AP3S1: variants seen among roughly 807,000 people sequenced by gnomAD.
The protein encoded by AP3S1 is adaptor related protein complex 3 subunit sigma 1, also known as AP-3 complex subunit sigma-1.
A neutral mutation model predicts 21.3 loss-of-function variants in AP3S1; 12 were observed. That is an observed-to-expected ratio of 0.56 (90% CI 0.36 to 0.91). The LOEUF (loss-of-function observed/expected upper bound fraction) is 0.91. Among genes scored for constraint, AP3S1 ranks in the 40% least tolerant of loss-of-function variants. AP3S1 has a pLI of 0.01. For missense variants in AP3S1, 116 were observed against 225.0 expected (o/e 0.52, Z 3.10); for synonymous variants, 48 against 78.4 (o/e 0.61, Z 2.05).
intron 3 of AP3S1, among the ~76,000 whole-genome samples, chr5:115,883,054 C>G (rs147229742): frequency 4.7e-4 from 71 of 152,324 alleles, no homozygotes; most frequent in African/African-American, 1.7e-3. Context: ...TCTGCCCCGA[C>G]TAAGCTCCAG....
At chr5:115,859,063 G>T (rs1158042206) in intron 1 of AP3S1, among the ~76,000 whole-genome samples, 1 of 152,098 alleles carries the variant, frequency 6.6e-6, no homozygotes, top group African/African-American at 2.4e-5. Context: ...GTTGTCTTCA[G>T]CTGTCCAATA....
Position 115,867,175 on chromosome 5 carries a change from A to C in AP3S1, c.161+414A>C, listed in dbSNP as rs779170712. Among the ~76,000 whole-genome samples, 11 of 152,122 alleles carry C rather than the reference A, an allele frequency of 7.2e-5. No individual in the cohort carries two copies. In the South Asian group the frequency reaches 2.1e-3, roughly 29 times the overall value. ...TTAAAATTTTTATTTATGAGATCAC[A>C]CTTTGTATGCTCATTTGCATGTTGC... On this transcript the variant is annotated intron_variant, in intron 2 of 5. Coordinates refer to ENST00000316788, the MANE Select transcript of AP3S1 (RefSeq NM_001284.4).
At chr5:115,859,828 C>G (rs1033505019) in intron 1 of AP3S1, among the ~76,000 whole-genome samples, 1 of 152,208 alleles carries the variant, frequency 6.6e-6, no homozygotes, top group Non-Finnish European at 1.5e-5. Context: ...AGGCCTGCCT[C>G]TAGGTATTCT....
intron 1 of AP3S1, among the ~76,000 whole-genome samples, chr5:115,855,061 A>ATCTCTG (rs1446869480): frequency 6.8e-6 from 1 of 147,988 alleles, no homozygotes; most frequent in South Asian, 2.1e-4. Context: ...CTATCTATCT[A>ATCTCTG]TCTCTGTCTC....
At position 115,862,078 on chromosome 5, in the gene AP3S1, G is replaced by C. The variant is rs545344981; in HGVS notation, c.70-4592G>C. ...GGATTCCATTGTACAATTCCATTCC[G>C]TAATTATCCTTCTGTGACTGGTGGA... On this transcript the variant is annotated intron_variant, in intron 1 of 5. Transcript: ENST00000316788. 6.9e-4 allele frequency among the ~76,000 whole-genome samples: 105 copies of C among 151,882 alleles called. No homozygotes were observed. In the South Asian group the frequency reaches 9.8e-3, roughly 14 times the overall value.
chr5:115,862,930 A>G (rs1413814980), intron 1 of AP3S1, among the ~76,000 whole-genome samples: 1 of 152,236 alleles, frequency 6.6e-6, no homozygotes, highest in Non-Finnish European at 1.5e-5. Context: ...GTGGTTGCCC[A>G]GTATTCAATG....
chr5:115,869,736 T>C (rs1392841846), intron 2 of AP3S1, among the ~76,000 whole-genome samples: 1 of 152,210 alleles, frequency 6.6e-6, no homozygotes, highest in Non-Finnish European at 1.5e-5. Context: ...TGTTTGTTGC[T>C]TCTTCCCCAC....
At position 115,895,152 on chromosome 5, in the gene AP3S1, A is replaced by G; in HGVS notation, c.339A>G (p.Val113=). 6.2e-7 allele frequency: 1 copy of G among 1,602,906 alleles called. No homozygotes were observed. Among genetic ancestry groups the G allele is most frequent in the Non-Finnish European group, 8.5e-7 (1 of 1,173,722 alleles). The part of the protein sequence containing the change: ...NVCELDLIFH[V]DKVHNILAEM... ...GTGAGCTGGATTTGATTTTCCATGT[A>G]GACAAGGTACTATTTGTATTGTCAC... is the stretch of plus-strand genomic sequence containing the variant. Residue 113 remains valine (V), a synonymous_variant, in exon 4 of 6, where the codon GTA becomes GTG. Coordinates refer to ENST00000316788, the MANE Select transcript of AP3S1 (RefSeq NM_001284.4).
chr5:115,871,236 A>G lies in AP3S1; in HGVS notation c.273+1108A>G, dbSNP rs138894105. ...AAAGACAGTCAATGCCTCTGCTCACAATACGTGTGGAAACACAAGATCCAT... is the reference window on the plus strand; with the variant it reads ...AAAGACAGTCAATGCCTCTGCTCACGATACGTGTGGAAACACAAGATCCAT... On this transcript the variant is annotated intron_variant, in intron 3 of 5. Transcript: ENST00000316788. 6.7e-3 allele frequency among the ~76,000 whole-genome samples: 1,013 copies of G among 152,318 alleles called. 5 individuals are homozygous for G. The highest frequency in any genetic ancestry group is 0.01 in the Non-Finnish European group (693 of 68,022).
chr5:115,849,920 CA>C (rs1762318928), intron 1 of AP3S1, among the ~76,000 whole-genome samples: 1 of 151,822 alleles, frequency 6.6e-6, no homozygotes, highest in Non-Finnish European at 1.5e-5. Flanking sequence ...ACAAAGGAAA[CA>C]AAAAACATGA....
chr5:115,902,539 A>T (rs1405231890), intron 4 of AP3S1, among the ~76,000 whole-genome samples: 1 of 152,194 alleles, frequency 6.6e-6, no homozygotes, highest in African/African-American at 2.4e-5. Flanking sequence ...ATATTTTAGT[A>T]TTAAACTTCA....
chr5:115,843,076 G>GTT (rs1761758596), intron 1 of AP3S1, among the ~76,000 whole-genome samples: 1 of 152,194 alleles, frequency 6.6e-6, no homozygotes, highest in African/African-American at 2.4e-5. Flanking sequence ...TCGAGGAAGG[G>GTT]TTTTATAGAG....
intron 1 of AP3S1, among the ~76,000 whole-genome samples, chr5:115,861,953 G>T (rs1193918064): frequency 7.0e-6 from 1 of 142,926 alleles, no homozygotes; most frequent in Admixed American, 7.6e-5. Flanking sequence ...ATCCCCTTCA[G>T]CCTCCCAAAG....
At chr5:115,893,652 C>T (rs190098899) in intron 3 of AP3S1, among the ~76,000 whole-genome samples, 4 of 152,210 alleles carry the variant, frequency 2.6e-5, no homozygotes, top group Admixed American at 2.6e-4. Flanking sequence ...TTTGTAGAAA[C>T]GTGCCCTACA....
intron 5 of AP3S1, among the ~76,000 whole-genome samples, chr5:115,905,148 G>A (rs1751540907): frequency 6.6e-6 from 1 of 152,110 alleles, no homozygotes; most frequent in Non-Finnish European, 1.5e-5. Context: ...CGGCATAAAT[G>A]GGTTAATGTG....
intron 3 of AP3S1, among the ~76,000 whole-genome samples, chr5:115,893,688 C>G (rs909376136): frequency 1.3e-5 from 2 of 152,126 alleles, no homozygotes; most frequent in Non-Finnish European, 2.9e-5. Context: ...CAAGAAGCCT[C>G]TTGTTTACAT....
chr5:115,865,831 A>T (rs913030815), intron 1 of AP3S1, among the ~76,000 whole-genome samples: 11 of 152,018 alleles, frequency 7.2e-5, no homozygotes, highest in Admixed American at 7.2e-4. Context: ...ATAGAATCTC[A>T]CTCTGTCGCC....
At chr5:115,912,882 G>T (rs957229007) in intron 5 of AP3S1, among the ~76,000 whole-genome samples, 3 of 151,790 alleles carry the variant, frequency 2.0e-5, no homozygotes, top group Non-Finnish European at 4.4e-5. Context: ...ATGTTTTAAG[G>T]GTTTATCCCT....
At chr5:115,871,996 G>C (rs533568294) in intron 3 of AP3S1, among the ~76,000 whole-genome samples, 1 of 152,140 alleles carries the variant, frequency 6.6e-6, no homozygotes, top group Non-Finnish European at 1.5e-5. Context: ...CAAATTCTTA[G>C]CACTGTGGCT....
Sources: allele counts gnomAD v4.1 joint callset (sites outside exome capture counted in the v4.1 genomes callset), GRCh38; gene constraint gnomAD v4.1.1; transcripts MANE v1.5; gene names NCBI Gene and HGNC (gene_info 2026-07-23, HGNC 2026-07-21).